MLIP: variants seen among roughly 807,000 people sequenced by gnomAD.
The protein encoded by MLIP is muscular LMNA interacting protein.
Under a neutral mutation model 84.8 loss-of-function variants are expected in MLIP, and 79 were observed. The observed-to-expected ratio is 0.93, with a 90% CI of 0.78 to 1.12. The LOEUF (loss-of-function observed/expected upper bound fraction) is 1.12, where lower values mean the gene tolerates loss of function less well. Among genes scored for constraint, MLIP ranks in the 50% most tolerant of loss-of-function variants. The probability of loss-of-function intolerance (pLI) is 0.00; values close to 1 mark genes in which losing one functional copy is unlikely to be tolerated. For synonymous variants in MLIP, 504 were observed against 463.0 expected (o/e 1.09, Z -1.14); for missense variants, 1,257 against 1,160.6 (o/e 1.08, Z -1.21).
At chr6:54,172,947 T>C (rs1244894806) in intron 9 of MLIP, among the ~76,000 whole-genome samples, 6 of 151,718 alleles carry the variant, frequency 4.0e-5, no homozygotes, top group Non-Finnish European at 8.9e-5. Context: ...TGTAATAGAA[T>C]TGAAACTAGG....
rs1372814962 is a variant in MLIP, at chr6:54,138,221, A to G, written c.2152A>G (p.Thr718Ala). The G allele has an allele frequency of 2.0e-6, 3 of 1,536,000 alleles. No homozygotes were observed. In the East Asian group the frequency reaches 7.3e-5, roughly 38 times the overall value. Residue 718 changes from threonine (T) to alanine (A), a missense_variant, in exon 4 of 14, where the codon ACA becomes GCA. Transcript: ENST00000502396. The stretch of plus-strand genomic sequence containing the variant: ...ATCACTTCCCATATCTCTAACAAGG[A>G]CAGAGGAGCTGATTTCACCTTGTGC... Reference protein sequence around the residue: ...TPSLPISLTRTEELISPCALS... With the variant: ...TPSLPISLTRAEELISPCALS...
intron 13 of MLIP, among the ~76,000 whole-genome samples, chr6:54,258,224 T>A (rs1255595713): frequency 6.6e-6 from 1 of 152,060 alleles, no homozygotes; most frequent in Admixed American, 6.6e-5. Flanking sequence ...GAAACAAGCA[T>A]AATATAAAAG....
intron 11 of MLIP, among the ~76,000 whole-genome samples, chr6:54,207,413 C>T (rs1048189573): frequency 2.2e-4 from 32 of 142,702 alleles, no homozygotes; most frequent in African/African-American, 7.3e-4. Context: ...CTCTGCACCC[C>T]CCCCCCCTTT....
At chr6:54,192,418 AATGATTGT>A (rs1778006685) in intron 10 of MLIP, among the ~76,000 whole-genome samples, 1 of 152,014 alleles carries the variant, frequency 6.6e-6, no homozygotes, top group South Asian at 2.1e-4. Flanking sequence ...AATAGTGGAA[AATGATTGT>A]ATGTAAGACA....
chr6:54,053,573 A>G (rs1170169357), intron 1 of MLIP, among the ~76,000 whole-genome samples: 1 of 152,250 alleles, frequency 6.6e-6, no homozygotes, highest in Non-Finnish European at 1.5e-5. Context: ...TGTGAAATTA[A>G]AATGAAAGAA....
At chr6:54,110,482 A>G (rs150837682), upstream of MLIP, among the ~76,000 whole-genome samples, 1,484 of 152,282 alleles carry the variant, frequency 9.7e-3, 28 homozygotes, top group African/African-American at 0.033. Flanking sequence ...AATTTAGATC[A>G]TATTCTAGGT....
chr6:54,227,562 A>G lies in MLIP; in HGVS notation c.2719-3152A>G, dbSNP rs562230907. On this transcript the variant is annotated intron_variant, in intron 11 of 13. Coordinates refer to ENST00000502396, the MANE Select transcript of MLIP (RefSeq NM_001281747.2). ...GGGGTATTTTCAGATTATTGAGGAC[A>G]AAAAGAAATCCTGTGTGCTTCCAGA... Among the ~76,000 whole-genome samples, 3 of 152,364 alleles carry G rather than the reference A, an allele frequency of 2.0e-5. No individual in the cohort carries two copies. In the South Asian group the frequency reaches 6.2e-4, roughly 32 times the overall value.
chr6:54,133,496 C>T (rs142553891), intron 3 of MLIP, among the ~76,000 whole-genome samples: 5 of 152,156 alleles, frequency 3.3e-5, no homozygotes, highest in African/African-American at 1.2e-4. Context: ...CAACTATATA[C>T]GATCCACATC....
At position 54,266,055 on chromosome 6, in the gene MLIP, G is replaced by A; in HGVS notation, c.*100G>A. The A allele has an allele frequency of 8.0e-7, 1 of 1,242,284 alleles. No homozygotes were observed. Among genetic ancestry groups the A allele is most frequent in the Non-Finnish European group, 1.2e-6 (1 of 866,136 alleles). The allele number at this position is 1,242,284 out of a possible 1,614,324, so 77.0% of individuals were successfully genotyped here. A position where few individuals can be genotyped will look rare whatever the true frequency, so the allele number is the denominator to read the frequency against. On this transcript the variant is annotated 3_prime_UTR_variant, in exon 14 of 14. Transcript: ENST00000502396. ...ACTTTTTTTTTTTTTTCCAGAATGAGTGCTCCCTTTATGAGCTGCAGTGCA... is the reference window on the plus strand; with the variant it reads ...ACTTTTTTTTTTTTTTCCAGAATGAATGCTCCCTTTATGAGCTGCAGTGCA...
rs181528630 is a variant in MLIP, at chr6:54,145,626, A to G, written c.2218-3430A>G. ...ATCTCTACAAAAAAAATAAAAAAAA[A>G]TTAGCTGGGTATGCTGCCACATGCC... On this transcript the variant is annotated intron_variant, in intron 4 of 13. Coordinates refer to ENST00000502396, the MANE Select transcript of MLIP (RefSeq NM_001281747.2). 2.2e-3 allele frequency among the ~76,000 whole-genome samples: 326 copies of G among 149,936 alleles called. 1 individual carries two copies. Among genetic ancestry groups the G allele is most frequent in the African/African-American group, 5.8e-3 (238 of 41,060 alleles).
At chr6:54,211,301 T>C (rs1779434675) in intron 11 of MLIP, among the ~76,000 whole-genome samples, 1 of 152,184 alleles carries the variant, frequency 6.6e-6, no homozygotes, top group Non-Finnish European at 1.5e-5. Flanking sequence ...GAAAGCAAGT[T>C]TATATGATGT....
intron 1 of MLIP, among the ~76,000 whole-genome samples, chr6:54,037,033 G>T (rs1017669581): frequency 6.6e-6 from 1 of 152,032 alleles, no homozygotes; most frequent in African/African-American, 2.4e-5. Context: ...TACAGTAGAT[G>T]TTTGTGATAT....
intron 1 of MLIP, among the ~76,000 whole-genome samples, chr6:54,099,146 G>A (rs1221862913): frequency 6.6e-6 from 1 of 152,052 alleles, no homozygotes; most frequent in Non-Finnish European, 1.5e-5. Flanking sequence ...TTTTGAGAAG[G>A]AATTAGTTTG....
intron 9 of MLIP, among the ~76,000 whole-genome samples, chr6:54,179,596 T>C (rs1160439366): frequency 6.6e-6 from 1 of 152,054 alleles, no homozygotes; most frequent in East Asian, 1.9e-4. Context: ...GAGGTTACCA[T>C]GAGGCTTGTA....
At chr6:54,102,233 C>A (rs1369190128) in intron 1 of MLIP, among the ~76,000 whole-genome samples, 1 of 152,040 alleles carries the variant, frequency 6.6e-6, no homozygotes, top group Non-Finnish European at 1.5e-5. Flanking sequence ...TAGTGGACAT[C>A]GTAATTCTCT....
At chr6:54,113,241 C>T (rs1769625361) in intron 1 of MLIP, among the ~76,000 whole-genome samples, 1 of 152,126 alleles carries the variant, frequency 6.6e-6, no homozygotes, top group African/African-American at 2.4e-5. Context: ...GCAATTTCAC[C>T]TCTTTACTCC....
chr6:54,110,786 A>G (rs747080633), upstream of MLIP, among the ~76,000 whole-genome samples: 1 of 152,226 alleles, frequency 6.6e-6, no homozygotes, highest in Non-Finnish European at 1.5e-5. Flanking sequence ...AATTTCACAT[A>G]TGAAGTTTTA....
chr6:54,188,599 G>C (rs912109119), intron 9 of MLIP, among the ~76,000 whole-genome samples: 1 of 151,960 alleles, frequency 6.6e-6, no homozygotes, highest in African/African-American at 2.4e-5. Flanking sequence ...AGTCTTATGG[G>C]ACCCCTGTCA....
At chr6:54,226,494 T>G (rs1780580174) in intron 11 of MLIP, among the ~76,000 whole-genome samples, 1 of 152,202 alleles carries the variant, frequency 6.6e-6, no homozygotes. Flanking sequence ...CTGATCCATG[T>G]GCTCAGAGTT....
Sources: gnomAD v4.1 joint callset for allele counts (sites outside exome capture counted in the v4.1 genomes callset) on GRCh38, gnomAD v4.1.1 for gene constraint, MANE v1.5 for transcripts, NCBI Gene and HGNC (gene_info 2026-07-23, HGNC 2026-07-21) for gene names.